HDHD2: variants seen among roughly 807,000 people sequenced by gnomAD.
The protein encoded by HDHD2 is haloacid dehalogenase-like hydrolase domain-containing protein 2.
HDHD2 carries 26 observed loss-of-function variants against 24.8 expected under a neutral mutation model. That is an observed-to-expected ratio of 1.05 (90% CI 0.77 to 1.45). The LOEUF (loss-of-function observed/expected upper bound fraction) is 1.45, where lower values mean the gene tolerates loss of function less well. Ranked by LOEUF, HDHD2 falls within the 40% of genes most tolerant of loss-of-function variation. The pLI is 0.00. For missense variants in HDHD2, 299 were observed against 313.4 expected (o/e 0.95, Z 0.35); for synonymous variants, 128 against 114.9 (o/e 1.11, Z -0.73).
chr18:47,110,797 A>G (rs1454114557), intron 6 of HDHD2: 1 of 985,078 alleles, frequency 1.0e-6, no homozygotes, highest in Non-Finnish European at 1.2e-6. Context: ...GAAGGCAAAG[A>G]AAGATCCTAT....
At position 47,134,502 on chromosome 18, in the gene HDHD2, A is replaced by G; in HGVS notation, c.304T>C (p.Phe102Leu). ...TTTTCCAAATTTCCCCTACCTTTGA[A>G]ATCAGGTAGTGCCCGATCATCAACT... The part of the protein sequence containing the change: ...LLVDDRALPD[F>L]KGIQTSDPNA... Residue 102 changes from phenylalanine to leucine, a missense_variant, in exon 3 of 7, where the codon TTC becomes CTC. By Grantham distance (22) the Phe-to-Leu change is conservative. Transcript: ENST00000300605. 6.2e-7 allele frequency: 1 copy of G among 1,612,288 alleles called. No individual in the cohort carries two copies. The highest frequency in any genetic ancestry group is 8.5e-7 in the Non-Finnish European group (1 of 1,178,622).
At chr18:47,117,340 G>A (rs1442682252) in intron 4 of HDHD2, among the ~76,000 whole-genome samples, 2 of 152,052 alleles carry the variant, frequency 1.3e-5, no homozygotes, top group African/African-American at 2.4e-5. Flanking sequence ...GCCTTTAAGC[G>A]GTGACTAGGT....
intron 2 of HDHD2, 69 bp from the exon 3 acceptor site, chr18:47,134,773 T>C (rs1220745837): frequency 1.6e-6 from 2 of 1,267,738 alleles, no homozygotes; most frequent in African/African-American, 3.0e-5. Context: ...TCTCCTAATT[T>C]GTTAAAACTG....
chr18:47,148,551 T>G (rs2063897047), intron 1 of HDHD2, among the ~76,000 whole-genome samples: 1 of 152,188 alleles, frequency 6.6e-6, no homozygotes, highest in East Asian at 1.9e-4. Context: ...AGAGGAGAAC[T>G]TCCAGATACT....
At chr18:47,112,900 C>T in intron 6 of HDHD2, 77 bp downstream of exon 6, 1 of 1,235,904 alleles carries the variant, frequency 8.1e-7, no homozygotes, top group East Asian at 2.4e-5. Flanking sequence ...TCTGCCATTT[C>T]TGCAAAGATT....
rs150139935 is a variant in HDHD2, at chr18:47,134,689, A to T, written c.117T>A (p.Ser39=). The T allele has an allele frequency of 1.9e-6, 3 of 1,614,130 alleles. No homozygotes were observed. The highest frequency in any genetic ancestry group is 1.7e-6 in the Non-Finnish European group (2 of 1,179,962). Residue 39 remains serine (S), a synonymous_variant, in exon 3 of 7, where the codon TCT becomes TCA. Coordinates refer to ENST00000300605, the MANE Select transcript of HDHD2 (RefSeq NM_032124.5). ...QEALKRLRGA[S]VIIRFVTNTT... ...TATTGGTCACAAACCTAATGATTAC[A>T]GAAGCACCACGTAACCTGGAGAGGG... is the stretch of plus-strand genomic sequence containing the variant.
chr18:47,149,328 GCCT>G (rs2002768933), intron 1 of HDHD2, among the ~76,000 whole-genome samples: 1 of 152,100 alleles, frequency 6.6e-6, no homozygotes, highest in African/African-American at 2.4e-5. Flanking sequence ...TACAAAACAT[GCCT>G]CCTAAAACCC....
chr18:47,131,500 C>T (rs991289924), intron 3 of HDHD2, among the ~76,000 whole-genome samples: 2 of 152,166 alleles, frequency 1.3e-5, no homozygotes, highest in South Asian at 2.1e-4. Context: ...CAAAGAACTA[C>T]AGTGGGAATT....
intron 4 of HDHD2, among the ~76,000 whole-genome samples, chr18:47,115,851 G>A (rs1445869311): frequency 3.3e-5 from 5 of 152,120 alleles, no homozygotes; most frequent in East Asian, 1.9e-4. Flanking sequence ...TTAATAAAGT[G>A]TTTTACAAAG....
intron 3 of HDHD2, among the ~76,000 whole-genome samples, chr18:47,131,881 G>A (rs1179284326): frequency 4.6e-5 from 7 of 152,176 alleles, no homozygotes; most frequent in Non-Finnish European, 1.0e-4. Context: ...AAAGTCATTT[G>A]AAGTAATTCT....
chr18:47,146,225 GTC>G (rs1422328579), intron 1 of HDHD2, among the ~76,000 whole-genome samples: 2 of 129,460 alleles, frequency 1.5e-5, no homozygotes, highest in Non-Finnish European at 3.2e-5. Flanking sequence ...GCAAGAATGT[GTC>G]TCAAAAAAAA....
At chr18:47,148,748 C>A (rs1468404818) in intron 1 of HDHD2, among the ~76,000 whole-genome samples, 4 of 152,220 alleles carry the variant, frequency 2.6e-5, no homozygotes, top group African/African-American at 9.6e-5. Flanking sequence ...GTTTTTAAAA[C>A]TACCTTTTTG....
intron 4 of HDHD2, among the ~76,000 whole-genome samples, chr18:47,117,766 C>A (rs1436189535): frequency 6.6e-6 from 1 of 151,952 alleles, no homozygotes; most frequent in Non-Finnish European, 1.5e-5. Flanking sequence ...CCACTTGAGG[C>A]CAGGATTCCA....
At chr18:47,111,774 A>T in intron 6 of HDHD2, 1 of 985,170 alleles carries the variant, frequency 1.0e-6, no homozygotes, top group South Asian at 4.7e-5. Context: ...AGCTCCATCT[A>T]CATTTCTTGT....
chr18:47,121,837 C>A (rs2063610119), intron 4 of HDHD2, among the ~76,000 whole-genome samples: 1 of 152,098 alleles, frequency 6.6e-6, no homozygotes, highest in Non-Finnish European at 1.5e-5. Flanking sequence ...CATATGGTGC[C>A]CCCTCCTCCT....
At chr18:47,121,187 C>G (rs187056350) in intron 4 of HDHD2, among the ~76,000 whole-genome samples, 1 of 151,896 alleles carries the variant, frequency 6.6e-6, no homozygotes, top group Non-Finnish European at 1.5e-5. Context: ...CGCTGTCTTT[C>G]TAAATAACCA....
intron 6 of HDHD2, among the ~76,000 whole-genome samples, chr18:47,112,046 C>T (rs190529754): frequency 4.6e-5 from 7 of 152,300 alleles, no homozygotes; most frequent in South Asian, 2.1e-4. Context: ...AGATTTCTGG[C>T]TGTCATGTGC....
At chr18:47,135,258 CTTTT>C (rs904719955) in intron 2 of HDHD2, among the ~76,000 whole-genome samples, 10 of 128,354 alleles carry the variant, frequency 7.8e-5, no homozygotes, top group East Asian at 6.8e-4. Context: ...TAGATTTTTT[CTTTT>C]TTTTTTTTTT....
chr18:47,110,531 G>A (rs2147456785), intron 6 of HDHD2: 1 of 985,268 alleles, frequency 1.0e-6, no homozygotes, highest in Non-Finnish European at 1.2e-6. Flanking sequence ...AAGCTTCCTA[G>A]CCATGGAGTT....
Sources: gnomAD v4.1 joint callset for allele counts (sites outside exome capture counted in the v4.1 genomes callset) on GRCh38, gnomAD v4.1.1 for gene constraint, MANE v1.5 for transcripts, NCBI Gene and HGNC (gene_info 2026-07-23, HGNC 2026-07-21) for gene names.